GRIK2: variants seen among roughly 807,000 people sequenced by gnomAD.
GRIK2 encodes the protein glutamate receptor ionotropic, kainate 2.
A neutral mutation model predicts 100.3 loss-of-function variants in GRIK2; 32 were observed. The ratio of observed to expected loss-of-function variants is 0.32; its 90% CI spans 0.24 to 0.43. The LOEUF is 0.43. Ranked by LOEUF, GRIK2 falls within the 20% of genes least tolerant of loss-of-function variation. The pLI is 1.00. For missense variants in GRIK2, 843 were observed against 1,114.9 expected, an observed-to-expected ratio of 0.76 and a Z score of 3.47; for synonymous variants, 417 against 389.4, an observed-to-expected ratio of 1.07 and a Z score of -0.83.
chr6:101,990,710 T>C (rs1470093053), intron 14 of GRIK2, among the ~76,000 whole-genome samples: 1 of 151,552 alleles, frequency 6.6e-6, no homozygotes, highest in Non-Finnish European at 1.5e-5. Context: ...AGCTGGTGCC[T>C]TAGTGTCTTG....
At chr6:102,003,279 T>G (rs771607413) in intron 14 of GRIK2, among the ~76,000 whole-genome samples, 1 of 151,620 alleles carries the variant, frequency 6.6e-6, no homozygotes, top group Non-Finnish European at 1.5e-5. Flanking sequence ...ATTGCACACA[T>G]ATACATATAT....
intron 7 of GRIK2, among the ~76,000 whole-genome samples, chr6:101,744,274 G>A (rs770114958): frequency 7.3e-5 from 11 of 151,534 alleles, no homozygotes; most frequent in Admixed American, 1.3e-4. Context: ...CTTGCCAACC[G>A]CTATCCTTTC....
chr6:101,647,441 T>C lies in GRIK2; in HGVS notation c.541+20804T>C, dbSNP rs552055084. The stretch of plus-strand genomic sequence containing the variant: ...TAATCTTTGCCACTTTTGCACTGTA[T>C]GCATTTTTGAAGATCCAAGGCCTTC... On this transcript the variant is annotated intron_variant, in intron 4 of 16. Coordinates refer to ENST00000369134, the MANE Select transcript of GRIK2 (RefSeq NM_021956.5). 3.3e-5 allele frequency among the ~76,000 whole-genome samples: 5 copies of C among 152,162 alleles called. No homozygotes were observed. In the South Asian group the frequency reaches 1.0e-3, roughly 32 times the overall value.
At chr6:101,470,852 A>G (rs1254025561) in intron 2 of GRIK2, among the ~76,000 whole-genome samples, 1 of 152,194 alleles carries the variant, frequency 6.6e-6, no homozygotes, top group African/African-American at 2.4e-5. Flanking sequence ...TTTCACAACG[A>G]AATAGCAAAT....
intron 14 of GRIK2, among the ~76,000 whole-genome samples, chr6:102,015,397 ACT>A (rs1196489790): frequency 1.3e-5 from 2 of 151,852 alleles, no homozygotes; most frequent in Non-Finnish European, 2.9e-5. Flanking sequence ...CCCACTTGCC[ACT>A]CTGTGCCTTT....
At position 102,053,091 on chromosome 6, in the gene GRIK2, A is replaced by AAC. The variant is rs148536098; in HGVS notation, c.2312-2217_2312-2216dup. Among the ~76,000 whole-genome samples, 1,002 of 149,368 alleles carry AAC rather than the reference A, an allele frequency of 6.7e-3. 9 individuals are homozygous for AAC. Among genetic ancestry groups the AAC allele is most frequent in the Middle Eastern group, 0.024 (7 of 292 alleles). ...TACAAAGACAAACAACAACAACAAC[A>AAC]ACACACACACACACACACACACATA... On this transcript the variant is annotated intron_variant, in intron 15 of 16. Transcript: ENST00000369134.
rs369721382 is a variant in GRIK2 at position 101,399,254 on chromosome 6, C to A, written c.-24C>A. 4.5e-6 allele frequency: 5 copies of A among 1,107,620 alleles called. No homozygotes were observed. The African/African-American group carries it at 6.1e-5, about 14-fold the overall frequency. 68.6% of individuals were successfully genotyped at this position (1,107,620 alleles called of 1,614,324 possible). ...AACGCTAGATCGGGGAAGTGGGTGC[C>A]GTGCGTGTGGGCACAGAAACACCAT... On this transcript the variant is annotated 5_prime_UTR_variant, in exon 2 of 17. Coordinates refer to ENST00000369134, the MANE Select transcript of GRIK2 (RefSeq NM_021956.5).
At position 101,633,502 on chromosome 6, in the gene GRIK2, A is replaced by G. The variant is rs551248537; in HGVS notation, c.541+6865A>G. Among the ~76,000 whole-genome samples the G allele has an allele frequency of 1.1e-4, 16 of 152,268 alleles. No individual in the cohort carries two copies. The East Asian group carries it at 1.4e-3, about 13-fold the overall frequency. ...TTGTGTAAAGTGCCTCATAGAGGAAACATAACAAGAATTTAAAACTTTCAA... is the reference window on the plus strand; with the variant it reads ...TTGTGTAAAGTGCCTCATAGAGGAAGCATAACAAGAATTTAAAACTTTCAA... On this transcript the variant is annotated intron_variant, in intron 4 of 16. Coordinates refer to ENST00000369134, the MANE Select transcript of GRIK2 (RefSeq NM_021956.5).
intron 2 of GRIK2, among the ~76,000 whole-genome samples, chr6:101,597,767 G>A (rs1211949684): frequency 6.6e-6 from 1 of 151,714 alleles, no homozygotes; most frequent in Non-Finnish European, 1.5e-5. Context: ...AAGCAAGGAC[G>A]TTCTCTGTTT....
chr6:101,808,671 G>A (rs925874493), intron 9 of GRIK2, among the ~76,000 whole-genome samples: 1 of 151,760 alleles, frequency 6.6e-6, no homozygotes, highest in South Asian at 2.1e-4. Flanking sequence ...AATAGACATT[G>A]GAGAATAGAA....
At chr6:101,734,548 C>T (rs1343360302) in intron 7 of GRIK2, among the ~76,000 whole-genome samples, 4 of 152,110 alleles carry the variant, frequency 2.6e-5, no homozygotes, top group Non-Finnish European at 4.4e-5. Flanking sequence ...CACAGACACA[C>T]CAAGAATCAT....
chr6:101,764,359 G>C (rs1440058212), intron 7 of GRIK2, among the ~76,000 whole-genome samples: 1 of 151,784 alleles, frequency 6.6e-6, no homozygotes, highest in African/African-American at 2.4e-5. Context: ...TTACTGATGG[G>C]GATACAGCAG....
At chr6:101,412,838 G>A (rs1775945658) in intron 2 of GRIK2, among the ~76,000 whole-genome samples, 1 of 151,670 alleles carries the variant, frequency 6.6e-6, no homozygotes, top group Admixed American at 6.6e-5. Context: ...CTTTCTATTG[G>A]TACGGGATAA....
chr6:101,674,652 T>C (rs1770695321), intron 4 of GRIK2, among the ~76,000 whole-genome samples: 1 of 152,216 alleles, frequency 6.6e-6, no homozygotes, highest in African/African-American at 2.4e-5. Flanking sequence ...TATTGTAGTA[T>C]GTTTAATGGA....
chr6:101,530,383 C>G (rs764985686), intron 2 of GRIK2, among the ~76,000 whole-genome samples: 1 of 151,704 alleles, frequency 6.6e-6, no homozygotes, highest in Non-Finnish European at 1.5e-5. Flanking sequence ...ATTTTAAAAG[C>G]CATGTCAAAA....
intron 11 of GRIK2, among the ~76,000 whole-genome samples, chr6:101,865,795 A>G (rs759478578): frequency 1.8e-4 from 27 of 151,876 alleles, no homozygotes; most frequent in Non-Finnish European, 3.4e-4. Flanking sequence ...AGGCTGAGGC[A>G]CAAGAATCAC....
chr6:101,871,181 A>G (rs2128448331), intron 11 of GRIK2, among the ~76,000 whole-genome samples: 1 of 151,830 alleles, frequency 6.6e-6, no homozygotes, highest in South Asian at 2.1e-4. Flanking sequence ...CCTGGGCAAC[A>G]CATGGTTTAT....
At chr6:101,764,073 TG>T (rs1180236894) in intron 7 of GRIK2, among the ~76,000 whole-genome samples, 1 of 152,194 alleles carries the variant, frequency 6.6e-6, no homozygotes, top group African/African-American at 2.4e-5. Flanking sequence ...CAGTATCTCC[TG>T]GTTCTCTGTA....
chr6:102,002,896 A>G (rs1342495779), intron 14 of GRIK2, among the ~76,000 whole-genome samples: 2 of 142,062 alleles, frequency 1.4e-5, no homozygotes, highest in African/African-American at 5.1e-5. Context: ...CTATTCATCT[A>G]TGTTTAAATA....
Sources: gnomAD v4.1 joint callset for allele counts (sites outside exome capture counted in the v4.1 genomes callset) on GRCh38, gnomAD v4.1.1 for gene constraint, MANE v1.5 for transcripts, NCBI Gene and HGNC (gene_info 2026-07-23, HGNC 2026-07-21) for gene names.